Variants in DIS3L2 observed in about 807,000 individuals in gnomAD.
DIS3L2 encodes the protein DIS3-like exonuclease 2.
A neutral mutation model predicts 97.5 loss-of-function variants in DIS3L2; 34 were observed. The observed-to-expected ratio is 0.35, with a 90% CI of 0.27 to 0.46. The LOEUF (loss-of-function observed/expected upper bound fraction) is 0.46. DIS3L2 is among the 20% of genes least tolerant of loss of function. DIS3L2 has a pLI of 1.00. For missense variants in DIS3L2, 1,038 were observed against 1,146.0 expected (o/e 0.91, Z 1.36); for synonymous variants, 435 against 445.2 (o/e 0.98, Z 0.29).
chr2:232,049,405 T>A (rs530044048), intron 5 of DIS3L2, among the ~76,000 whole-genome samples: 51 of 152,250 alleles, frequency 3.3e-4, no homozygotes, highest in Admixed American at 1.5e-3. Context: ...TTGGGAGATG[T>A]GGGGTCTTTT....
rs1695846620 is a variant in DIS3L2 at position 232,333,847 on chromosome 2, T to C, written c.2018T>C (p.Leu673Pro). Residue 673 changes from leucine (L) to proline (P), a missense_variant, in exon 17 of 21, where the codon CTG (leucine) becomes CCG (proline). Coordinates refer to ENST00000325385, the MANE Select transcript of DIS3L2 (RefSeq NM_152383.5). The part of the protein sequence containing the change: ...NMCSRPMQMA[L>P]YFCSGLLQDP... The stretch of plus-strand genomic sequence containing the variant: ...ACCCATCCCGTCCCGCAGATGGCAC[T>C]GTACTTCTGCTCGGGGCTGCTGCAG... 9 of 1,611,298 alleles carry C rather than the reference T, an allele frequency of 5.6e-6. No homozygotes were observed. The highest frequency in any genetic ancestry group is 7.6e-6 in the Non-Finnish European group (9 of 1,179,158).
intron 5 of DIS3L2, among the ~76,000 whole-genome samples, chr2:232,052,623 T>C (rs1271431185): frequency 6.6e-6 from 1 of 152,204 alleles, no homozygotes; most frequent in East Asian, 1.9e-4. Context: ...ACCATGCAGC[T>C]GCATGCTTAC....
chr2:232,163,185 G>A (rs1690704385), intron 8 of DIS3L2, among the ~76,000 whole-genome samples: 1 of 152,088 alleles, frequency 6.6e-6, no homozygotes, highest in Admixed American at 6.5e-5. Flanking sequence ...AACAATTGGA[G>A]GGGTCCTAAG....
At chr2:232,317,532 G>A (rs957331482) in intron 14 of DIS3L2, among the ~76,000 whole-genome samples, 4 of 152,122 alleles carry the variant, frequency 2.6e-5, no homozygotes, top group Non-Finnish European at 4.4e-5. Context: ...TGCTTGCCGG[G>A]TTCAAGCGAT....
chr2:232,256,211 A>G (rs1693557598), intron 12 of DIS3L2, among the ~76,000 whole-genome samples: 1 of 152,216 alleles, frequency 6.6e-6, no homozygotes, highest in Non-Finnish European at 1.5e-5. Context: ...CTGGAAATGC[A>G]TAGACTCCAG....
At chr2:232,192,610 G>A (rs1398906355) in intron 9 of DIS3L2, among the ~76,000 whole-genome samples, 4 of 152,122 alleles carry the variant, frequency 2.6e-5, no homozygotes, top group African/African-American at 9.7e-5. Context: ...AGAAAGTCGC[G>A]GCACCCTCCC....
intron 5 of DIS3L2, among the ~76,000 whole-genome samples, chr2:232,059,048 G>A (rs1695627767): frequency 6.6e-6 from 1 of 152,066 alleles, no homozygotes; most frequent in Non-Finnish European, 1.5e-5. Context: ...GTGCTTCTGG[G>A]GTAAAGCATC....
At chr2:232,339,695 G>A, downstream of DIS3L2, 1 of 456,382 alleles carries the variant, frequency 2.2e-6, no homozygotes, top group Non-Finnish European at 4.4e-6. Flanking sequence ...CACTGAGCAT[G>A]CAGGGCCGGG....
intron 5 of DIS3L2, among the ~76,000 whole-genome samples, chr2:232,053,790 G>A (rs1177284433): frequency 6.6e-6 from 1 of 152,188 alleles, no homozygotes; most frequent in East Asian, 1.9e-4. Context: ...CACCCTACCA[G>A]CACCTCTCTG....
intron 3 of DIS3L2, among the ~76,000 whole-genome samples, chr2:232,022,153 A>G (rs1694536602): frequency 6.6e-6 from 1 of 152,182 alleles, no homozygotes; most frequent in Non-Finnish European, 1.5e-5. Flanking sequence ...TGCTTCTCTC[A>G]GGCTATAGGA....
intron 5 of DIS3L2, among the ~76,000 whole-genome samples, chr2:232,031,749 G>A (rs1694810864): frequency 6.6e-6 from 1 of 152,020 alleles, no homozygotes; most frequent in South Asian, 2.1e-4. Flanking sequence ...AGAACATGTG[G>A]TGTCTGGTTT....
At chr2:232,328,761 C>G (rs1330319481) in intron 14 of DIS3L2, 1 of 152,256 alleles carries the variant, frequency 6.6e-6, no homozygotes, top group African/African-American at 2.4e-5. Context: ...GGCGGCTTTC[C>G]CCATGAAGAG....
At chr2:232,141,215 T>TC (rs5839430) in intron 8 of DIS3L2, among the ~76,000 whole-genome samples, 70,376 of 151,908 alleles carry the variant, frequency 0.46, 18,986 homozygotes, top group Non-Finnish European at 0.61. Context: ...AGTTTACAGT[T>TC]CCAGCTTCTC....
At chr2:232,241,042 G>A (rs1311988299) in intron 11 of DIS3L2, among the ~76,000 whole-genome samples, 2 of 152,204 alleles carry the variant, frequency 1.3e-5, no homozygotes, top group Non-Finnish European at 2.9e-5. Context: ...GGGCCCGCAC[G>A]CCTCTGCTGC....
chr2:232,249,273 A>T lies in DIS3L2; in HGVS notation c.1352A>T (p.Glu451Val), dbSNP rs953870227. 2.5e-6 allele frequency: 4 copies of T among 1,614,038 alleles called. No individual in the cohort carries two copies. The African/African-American group carries it at 5.3e-5, about 22-fold the overall frequency. ...VPMLPRLLCE[E>V]LCSLNPMSDK... ...ATGCTTCCCAGGCTGCTGTGTGAGG[A>T]GCTGTGCAGCCTCAACCCCATGTCC... The change falls in exon 12 of 21, where the codon GAG (glutamate) becomes GTG (valine). Residue 451 changes from glutamate (E) to valine (V), a missense_variant. Physicochemically the swap from Glu to Val is moderately radical, Grantham distance 121 (BLOSUM62 -2). Coordinates refer to ENST00000325385, the MANE Select transcript of DIS3L2 (RefSeq NM_152383.5).
At chr2:232,096,226 A>T (rs893535056) in intron 6 of DIS3L2, among the ~76,000 whole-genome samples, 9 of 151,852 alleles carry the variant, frequency 5.9e-5, no homozygotes, top group African/African-American at 1.7e-4. Flanking sequence ...AGCTGGGACT[A>T]CAGGCGCCCG....
intron 6 of DIS3L2, among the ~76,000 whole-genome samples, chr2:232,123,204 A>G (rs546951734): frequency 2.4e-4 from 37 of 152,082 alleles, no homozygotes; most frequent in African/African-American, 8.4e-4. Context: ...ATGCCCCTCT[A>G]CTAACCATCT....
intron 10 of DIS3L2, among the ~76,000 whole-genome samples, chr2:232,224,723 C>T (rs897902161): frequency 1.3e-5 from 2 of 151,834 alleles, no homozygotes; most frequent in African/African-American, 2.4e-5. Flanking sequence ...CCTGTAATCC[C>T]AGCTACTCGG....
intron 9 of DIS3L2, among the ~76,000 whole-genome samples, chr2:232,175,373 C>T (rs1322267970): frequency 6.6e-6 from 1 of 152,110 alleles, no homozygotes; most frequent in Non-Finnish European, 1.5e-5. Context: ...TCACCCTTGT[C>T]ATGGTGTATA....
Sources: allele counts gnomAD v4.1 joint callset (sites outside exome capture counted in the v4.1 genomes callset), GRCh38; gene constraint gnomAD v4.1.1; transcripts MANE v1.5; gene names NCBI Gene and HGNC (gene_info 2026-07-23, HGNC 2026-07-21).